CPNE2: variants seen among roughly 807,000 people sequenced by gnomAD.
CPNE2 encodes the protein copine-2.
A neutral mutation model predicts 69.7 loss-of-function variants in CPNE2; 42 were observed. The ratio of observed to expected loss-of-function variants is 0.60; its 90% CI spans 0.47 to 0.78. The LOEUF (loss-of-function observed/expected upper bound fraction) is 0.78, where lower values mean the gene tolerates loss of function less well. Among genes scored for constraint, CPNE2 ranks in the 30% least tolerant of loss-of-function variants. The pLI, the probability that CPNE2 is intolerant of heterozygous loss-of-function variation, is 0.00. For synonymous variants in CPNE2, 294 were observed against 289.8 expected (o/e 1.01, Z -0.15); for missense variants, 587 against 732.0 (o/e 0.80, Z 2.29).
chr16:57,121,524 C>G (rs1212333204), intron 8 of CPNE2, 150 bp from the exon 9 acceptor site: 1 of 759,384 alleles, frequency 1.3e-6, no homozygotes, highest in African/African-American at 1.7e-5. Context: ...ATCCTGCTAC[C>G]ATTTTTGGGT....
intron 1 of CPNE2, among the ~76,000 whole-genome samples, chr16:57,107,488 G>A (rs936725805): frequency 7.2e-5 from 11 of 152,188 alleles, no homozygotes; most frequent in Non-Finnish European, 1.3e-4. Context: ...GCAGGGGACT[G>A]CATCTGCCCA....
rs148068653 is a variant in CPNE2 at position 57,146,184 on chromosome 16, A to G, written c.1402A>G (p.Ile468Val). The part of the protein sequence containing the change: ...VQASKLPMSI[I>V]IVGVGNADFA... The stretch of plus-strand genomic sequence containing the variant: ...GGCTTCCAAGCTGCCCATGTCCATC[A>G]TCATCGTGGGCGTGGGCAATGCGGA... Residue 468 changes from isoleucine to valine, a missense_variant, in exon 15 of 16, where the codon ATC becomes GTC. This residue lies in a region of CPNE2 where 185 missense variants were observed against 252.3 expected (regional missense o/e 0.73). Transcript: ENST00000290776. This position sits in a 1 kb window ranked among gnomAD's most constrained non-coding sequence, Gnocchi z 4.4. The G allele has an allele frequency of 1.3e-6, 2 of 1,577,608 alleles. No homozygotes were observed. Among genetic ancestry groups the G allele is most frequent in the Non-Finnish European group, 1.7e-6 (2 of 1,160,704 alleles).
chr16:57,112,098 A>AACAT, intron 2 of CPNE2, among the ~76,000 whole-genome samples: 1 of 152,288 alleles, frequency 6.6e-6, no homozygotes, highest in East Asian at 1.9e-4. Flanking sequence ...AGTTCACCTG[A>AACAT]ACATACTGTG....
At position 57,146,697 on chromosome 16, in the gene CPNE2, GC is replaced by G. The variant is rs1251042099; in HGVS notation, c.1539+381del. On this transcript the variant is annotated intron_variant, in intron 15 of 15. Coordinates refer to ENST00000290776, the MANE Select transcript of CPNE2 (RefSeq NM_152727.6). This position sits in a 1 kb window ranked among gnomAD's most constrained non-coding sequence, Gnocchi z 4.4. ...TTTCCTGATCATCACGCCCCAGCAA[GC>G]CCCCTCATTTTGTAGACGGAAAACA... 1 of 195,522 alleles carries G rather than the reference GC, an allele frequency of 5.1e-6. No homozygotes were observed. The highest frequency in any genetic ancestry group is 2.4e-5 in the African/African-American group (1 of 42,298). 12.1% of individuals were successfully genotyped at this position (195,522 alleles called of 1,614,324 possible).
chr16:57,108,790 G>C (rs1213780967), intron 1 of CPNE2, among the ~76,000 whole-genome samples: 1 of 152,230 alleles, frequency 6.6e-6, no homozygotes, highest in African/African-American at 2.4e-5. Context: ...CTGATCACAT[G>C]TCAGTAATTA....
At chr16:57,105,688 C>A (rs1277758032) in intron 1 of CPNE2, among the ~76,000 whole-genome samples, 1 of 152,124 alleles carries the variant, frequency 6.6e-6, no homozygotes, top group African/African-American at 2.4e-5. Context: ...ATTCCCAAGT[C>A]CTGTCCTCTC....
Position 57,146,863 on chromosome 16 carries a change from T to C in CPNE2, c.1539+542T>C, listed in dbSNP as rs1293449171. 6.2e-6 allele frequency: 1 copy of C among 160,734 alleles called. No individual in the cohort carries two copies. Among genetic ancestry groups the C allele is most frequent in the Non-Finnish European group, 1.4e-5 (1 of 72,968 alleles). The allele number at this position is 160,734 out of a possible 1,614,324, so 10.0% of individuals were successfully genotyped here. On this transcript the variant is annotated intron_variant, in intron 15 of 15. Coordinates refer to ENST00000290776, the MANE Select transcript of CPNE2 (RefSeq NM_152727.6). The surrounding 1 kb of genome is among the most constrained non-coding windows in gnomAD (Gnocchi z 4.4). ...AGATCTGCCCACAAGGAGGCCGGGG[T>C]TGGCCTCCTGATCACTGCCCTAGCA...
chr16:57,139,541 T>A (rs2069906518), intron 14 of CPNE2, among the ~76,000 whole-genome samples: 1 of 152,168 alleles, frequency 6.6e-6, no homozygotes. Flanking sequence ...CTGTTATCAG[T>A]TTGTTTCAGA....
intron 4 of CPNE2, 75 bp downstream of exon 4, chr16:57,115,625 C>T: frequency 9.6e-7 from 1 of 1,046,210 alleles, no homozygotes; most frequent in Non-Finnish European, 1.4e-6. Flanking sequence ...GGGCCGCTTC[C>T]CTGGCAGATA....
chr16:57,108,114 C>A (rs909776368), intron 1 of CPNE2, among the ~76,000 whole-genome samples: 43 of 152,178 alleles, frequency 2.8e-4, no homozygotes, highest in African/African-American at 8.9e-4. Flanking sequence ...AAGTGATCCA[C>A]CTGCCTGGGC....
rs199499337 is a variant in CPNE2 at position 57,110,956 on chromosome 16, G to C, written c.180+34G>C. The C allele has an allele frequency of 1.2e-5, 19 of 1,586,046 alleles. No homozygotes were observed. In the East Asian group the frequency reaches 3.0e-4, roughly 25 times the overall value. On this transcript the variant is annotated intron_variant, in intron 2 of 15. Coordinates refer to ENST00000290776, the MANE Select transcript of CPNE2 (RefSeq NM_152727.6). ...CTTCCGTGTGTCTGCGGTGGGTAAG[G>C]GGGTGGCTAGGCTGCTGGGGAGGGG...
In CPNE2 at chr16:57,133,890, G is replaced by A. The variant is rs150251022; in HGVS notation, c.1117-885G>A. ...GGGATTCCTGCACAGCAGTGAATGCGGATGTGGTACATGGTAGGAAGGGGG... is the reference window on the plus strand; with the variant it reads ...GGGATTCCTGCACAGCAGTGAATGCAGATGTGGTACATGGTAGGAAGGGGG... On this transcript the variant is annotated intron_variant, in intron 12 of 15. Transcript: ENST00000290776. Among the ~76,000 whole-genome samples the A allele has an allele frequency of 5.4e-4, 82 of 152,316 alleles. 2 individuals carry two copies. In the East Asian group the frequency reaches 0.014, roughly 25 times the overall value.
chr16:57,121,545 T>C (rs4783976), intron 8 of CPNE2, 129 bp from the exon 9 acceptor site: 595,615 of 897,624 alleles, frequency 0.66, 198,997 homozygotes, highest in Admixed American at 0.74. Context: ...GTGGACATCC[T>C]GGGAGGCTCC....
Position 57,134,843 on chromosome 16 carries a change from C to A in CPNE2, c.1168+17C>A, listed in dbSNP as rs776516503. On this transcript the variant is annotated intron_variant, in intron 13 of 15. Coordinates refer to ENST00000290776, the MANE Select transcript of CPNE2 (RefSeq NM_152727.6). ...TCTGCTCAGGTGAGTGTCAGACCCA[C>A]CTGCAGCTGCCCTGTGTTTGCTACG... is the stretch of plus-strand genomic sequence containing the variant. 5 of 1,613,506 alleles carry A rather than the reference C, an allele frequency of 3.1e-6. No homozygotes were observed.
At chr16:57,098,806 T>C (rs1411697134) in intron 1 of CPNE2, among the ~76,000 whole-genome samples, 2 of 152,206 alleles carry the variant, frequency 1.3e-5, no homozygotes, top group Non-Finnish European at 2.9e-5. Flanking sequence ...CAGGGTTTGG[T>C]TCCATCTTTA....
rs563956351 is a variant in CPNE2, at chr16:57,105,073, C to T, written c.-35-5635C>T. Among the ~76,000 whole-genome samples the T allele has an allele frequency of 3.4e-3, 525 of 152,274 alleles. 7 individuals are homozygous for T. Among genetic ancestry groups the T allele is most frequent in the African/African-American group, 0.012 (509 of 41,548 alleles). Reference sequence around the variant, plus strand: ...GGCATCTGACTTCTAGGTTTAAAGACTCCCTCTGGCTCTGGTGTGGAAAAG... The same window carrying T: ...GGCATCTGACTTCTAGGTTTAAAGATTCCCTCTGGCTCTGGTGTGGAAAAG... On this transcript the variant is annotated intron_variant, in intron 1 of 15. Transcript: ENST00000290776.
chr16:57,130,768 G>A lies in CPNE2; in HGVS notation c.1116+2865G>A, dbSNP rs1407834387. ...CAGAGACAAGATGGGGAGGGGAGAA[G>A]GGCATGGAGACATCAGCCAGTGTGG... On this transcript the variant is annotated intron_variant, in intron 12 of 15. Coordinates refer to ENST00000290776, the MANE Select transcript of CPNE2 (RefSeq NM_152727.6). The surrounding 1 kb of genome is among the most constrained non-coding windows in gnomAD (Gnocchi z 4.1). 6.6e-6 allele frequency among the ~76,000 whole-genome samples: 1 copy of A among 152,038 alleles called. No individual in the cohort carries two copies. The highest frequency in any genetic ancestry group is 1.5e-5 in the Non-Finnish European group (1 of 68,016).
At chr16:57,094,403 A>G (rs2069565160) in intron 1 of CPNE2, among the ~76,000 whole-genome samples, 1 of 151,986 alleles carries the variant, frequency 6.6e-6, no homozygotes, top group Non-Finnish European at 1.5e-5. Context: ...GTTCCAACGG[A>G]CACTCCCTCT....
intron 2 of CPNE2, among the ~76,000 whole-genome samples, chr16:57,112,229 TG>T (rs1409019245): frequency 6.6e-6 from 1 of 152,112 alleles, no homozygotes; most frequent in African/African-American, 2.4e-5. Flanking sequence ...GGGACTTTTT[TG>T]TGTCACCCAG....
Sources: allele counts gnomAD v4.1 joint callset (sites outside exome capture counted in the v4.1 genomes callset), GRCh38; gene constraint gnomAD v4.1.1; regional missense constraint gnomAD v4.1.1; non-coding constraint Gnocchi (gnomAD v3.1); transcripts MANE v1.5; gene names NCBI Gene and HGNC (gene_info 2026-07-23, HGNC 2026-07-21).